NEBL: variants seen among roughly 807,000 people sequenced by gnomAD.
NEBL encodes nebulette, also known as LIM and SH3 protein 2.
Under a neutral mutation model 140.2 loss-of-function variants are expected in NEBL, and 122 were observed. The observed-to-expected ratio is 0.87, with a 90% CI of 0.75 to 1.01. The LOEUF is 1.01. Ranked by LOEUF, NEBL falls within the 50% of genes least tolerant of loss-of-function variation. NEBL has a pLI of 0.00. For missense variants in NEBL, 1,365 were observed against 1,231.3 expected, an observed-to-expected ratio of 1.11 and a Z score of -1.62; for synonymous variants, 436 against 398.9, an observed-to-expected ratio of 1.09 and a Z score of -1.11.
chr10:21,174,911 C>T (rs1030253567), upstream of NEBL: 7 of 152,166 alleles, frequency 4.6e-5, no homozygotes, highest in African/African-American at 1.7e-4. Context: ...GAATATGGCT[C>T]GTTTTGTTTT....
chr10:21,025,740 G>A (rs1226458777), intron 2 of NEBL, among the ~76,000 whole-genome samples: 2 of 152,124 alleles, frequency 1.3e-5, no homozygotes, highest in African/African-American at 4.8e-5. Context: ...CCTTCCATCT[G>A]TGTGCCTTTG....
chr10:21,109,607 C>T lies in NEBL; in HGVS notation c.164+62776G>A, dbSNP rs375889092. On this transcript the variant is annotated intron_variant, in intron 2 of 6. Coordinates refer to the NEBL transcript ENST00000417816. ...TCCTCTTTGTATCTTTGGTAGAATTCGGCTGTGAATCCATCTGGTCCTGGA... is the reference window on the plus strand; with the variant it reads ...TCCTCTTTGTATCTTTGGTAGAATTTGGCTGTGAATCCATCTGGTCCTGGA... Among the ~76,000 whole-genome samples, 111 of 152,114 alleles carry T rather than the reference C, an allele frequency of 7.3e-4. 1 individual carries two copies. The highest frequency in any genetic ancestry group is 7.3e-3 in the South Asian group (35 of 4,814).
At chr10:21,060,006 C>A (rs1248927973) in intron 2 of NEBL, among the ~76,000 whole-genome samples, 1 of 152,160 alleles carries the variant, frequency 6.6e-6, no homozygotes, top group Non-Finnish European at 1.5e-5. Context: ...ATTTGTCATA[C>A]AGCCTTTGGG....
At chr10:21,240,132 A>C (rs4748756) in intron 3 of NEBL, among the ~76,000 whole-genome samples, 147,422 of 152,292 alleles carry the variant, frequency 0.97, 71,394 homozygotes, top group East Asian at 1. Flanking sequence ...TAGCTGGTAT[A>C]TCTCTTTCTA....
intron 9 of NEBL, among the ~76,000 whole-genome samples, chr10:20,855,227 TAA>T (rs751211791): frequency 3.9e-5 from 5 of 129,488 alleles, no homozygotes; most frequent in Admixed American, 7.8e-5. Context: ...GAGTCCGTCT[TAA>T]AAAAAAAAAA....
chr10:20,968,798 G>T (rs571737270), intron 3 of NEBL, among the ~76,000 whole-genome samples: 1 of 152,296 alleles, frequency 6.6e-6, no homozygotes, highest in East Asian at 1.9e-4. Flanking sequence ...TTCACGACAT[G>T]ATAGATACTC....
At chr10:20,972,176 A>G (rs1836602854) in intron 3 of NEBL, among the ~76,000 whole-genome samples, 1 of 152,220 alleles carries the variant, frequency 6.6e-6, no homozygotes, top group African/African-American at 2.4e-5. Flanking sequence ...ACTAACACAA[A>G]ACAGTCATGA....
chr10:20,879,776 G>A (rs1034177010), intron 5 of NEBL, among the ~76,000 whole-genome samples: 2 of 152,068 alleles, frequency 1.3e-5, no homozygotes, highest in African/African-American at 4.8e-5. Context: ...TAAAGAACCT[G>A]ACCAACAGTT....
At chr10:21,191,441 C>T (rs537238068) in intron 3 of NEBL, among the ~76,000 whole-genome samples, 2 of 152,288 alleles carry the variant, frequency 1.3e-5, no homozygotes, top group South Asian at 2.1e-4. Flanking sequence ...TCTCACCCAC[C>T]GTTCGATATT....
chr10:20,819,422 G>T lies in NEBL; in HGVS notation c.2055+2C>A. On this transcript the variant is annotated splice_donor_variant, in intron 20 of 27. Transcript: ENST00000377122. LOFTEE classifies it high-confidence loss of function. ...ATATAAAAGGAAACAGAAACGACTTGCCGCACTCAGCTGCTCCTGGTTTCG... is the reference window on the plus strand; with the variant it reads ...ATATAAAAGGAAACAGAAACGACTTTCCGCACTCAGCTGCTCCTGGTTTCG... 1 of 1,614,048 alleles carries T rather than the reference G, an allele frequency of 6.2e-7. No individual in the cohort carries two copies. The highest frequency in any genetic ancestry group is 8.5e-7 in the Non-Finnish European group (1 of 1,179,956).
chr10:21,209,074 A>G (rs141610762), intron 3 of NEBL, among the ~76,000 whole-genome samples: 241 of 152,302 alleles, frequency 1.6e-3, no homozygotes, highest in African/African-American at 5.3e-3. Flanking sequence ...TTTCTCTGCA[A>G]TCCTTAAAGT....
intron 2 of NEBL, among the ~76,000 whole-genome samples, chr10:21,140,807 G>T (rs1839593030): frequency 1.3e-5 from 2 of 152,088 alleles, no homozygotes; most frequent in African/African-American, 4.8e-5. Context: ...GGAGGGCAAG[G>T]GGAGGGAGAG....
At chr10:20,966,844 A>G (rs1303400337) in intron 3 of NEBL, among the ~76,000 whole-genome samples, 1 of 152,244 alleles carries the variant, frequency 6.6e-6, no homozygotes, top group African/African-American at 2.4e-5. Flanking sequence ...ACTAAAGAGA[A>G]AGGCCACTGT....
chr10:20,839,373 A>G (rs768871554), intron 13 of NEBL, among the ~76,000 whole-genome samples: 1 of 152,140 alleles, frequency 6.6e-6, no homozygotes, highest in Non-Finnish European at 1.5e-5. Context: ...TGTGATGACA[A>G]TGTTAGCCAC....
At chr10:21,207,916 C>T (rs1188389177) in intron 3 of NEBL, among the ~76,000 whole-genome samples, 1 of 152,150 alleles carries the variant, frequency 6.6e-6, no homozygotes, top group African/African-American at 2.4e-5. Flanking sequence ...ATGACAGATA[C>T]TGTTGAATTA....
chr10:21,081,910 G>C (rs1040122020), intron 2 of NEBL, among the ~76,000 whole-genome samples: 8 of 152,110 alleles, frequency 5.3e-5, no homozygotes, highest in Admixed American at 2.0e-4. Context: ...TGAAATTGAA[G>C]TCTATACCAA....
chr10:20,938,253 C>T lies in NEBL; in HGVS notation c.357+23419G>A, dbSNP rs148687859. Among the ~76,000 whole-genome samples the T allele has an allele frequency of 8.4e-3, 1,282 of 152,294 alleles. 22 individuals are homozygous for T. Among genetic ancestry groups the T allele is most frequent in the African/African-American group, 0.029 (1,202 of 41,566 alleles). ...CTCTGAGACAAAACTTGCAGAGGAACGATCAAGCAGCAACATTTGCTGCTC... is the reference window on the plus strand; with the variant it reads ...CTCTGAGACAAAACTTGCAGAGGAATGATCAAGCAGCAACATTTGCTGCTC... On this transcript the variant is annotated intron_variant, in intron 4 of 6. Coordinates refer to the NEBL transcript ENST00000417816.
chr10:21,137,231 A>AT (rs1839393786), intron 2 of NEBL, among the ~76,000 whole-genome samples: 2 of 152,228 alleles, frequency 1.3e-5, no homozygotes, highest in African/African-American at 2.4e-5. Context: ...GGGTTGTTAA[A>AT]ATCCAAAGAA....
In NEBL at chr10:20,947,070, T is replaced by A. The variant is rs549147003; in HGVS notation, c.357+14602A>T. On this transcript the variant is annotated intron_variant, in intron 4 of 6. Coordinates refer to the NEBL transcript ENST00000417816. ...TGAGAATAGGATGATGCTGATGATA[T>A]CTGAAGGATTTACAGTTTAATACTT... Among the ~76,000 whole-genome samples, 3 of 152,310 alleles carry A rather than the reference T, an allele frequency of 2.0e-5. No homozygotes were observed. The East Asian group carries it at 5.8e-4, about 29-fold the overall frequency.
Sources: gnomAD v4.1 joint callset for allele counts (sites outside exome capture counted in the v4.1 genomes callset) on GRCh38, gnomAD v4.1.1 for gene constraint, MANE v1.5 for transcripts, NCBI Gene and HGNC (gene_info 2026-07-23, HGNC 2026-07-21) for gene names.